Variants in NOL7 observed in about 807,000 individuals in gnomAD.
NOL7 encodes the protein U3 small nucleolar RNA-associated protein NOL7.
Under a neutral mutation model 38.4 loss-of-function variants are expected in NOL7, and 36 were observed. The observed-to-expected ratio is 0.94, with a 90% CI of 0.72 to 1.24. The LOEUF is 1.24. NOL7 is among the 50% of genes most tolerant of loss of function. NOL7 has a pLI of 0.00. For synonymous variants in NOL7, 142 were observed against 126.5 expected (o/e 1.12, Z -0.82); for missense variants, 350 against 315.1 (o/e 1.11, Z -0.84).
chr6:13,616,541 ATAT>A lies in NOL7; in HGVS notation c.386+23_386+25del. On this transcript the variant is annotated intron_variant, in intron 3 of 7. Coordinates refer to ENST00000451315, the MANE Select transcript of NOL7 (RefSeq NM_016167.5). ...GACTAAGTAAGTAATGGATCTTTTT[ATAT>A]TACTTGCTTATATACACCCATCTTT... is the stretch of plus-strand genomic sequence containing the variant. The A allele has an allele frequency of 6.5e-7, 1 of 1,542,982 alleles. No individual in the cohort carries two copies. The highest frequency in any genetic ancestry group is 8.9e-7 in the Non-Finnish European group (1 of 1,121,246).
At chr6:13,624,069 A>G (rs1357779034), downstream of NOL7, among the ~76,000 whole-genome samples, 1 of 152,222 alleles carries the variant, frequency 6.6e-6, no homozygotes, top group East Asian at 1.9e-4. Context: ...ACTTTTACCA[A>G]CGGAGCTAAA....
Position 13,620,798 on chromosome 6 carries a change from A to C in NOL7, c.745A>C (p.Met249Leu), listed in dbSNP as rs375127918. Residue 249 changes from methionine to leucine, a missense_variant, in exon 8 of 8, where the codon ATG becomes CTG. By Grantham distance (15) the Met-to-Leu change is conservative. Transcript: ENST00000451315. ...QNAKRFKRRW[M>L]VRKMKTKK ...TGCCAAGAGGTTTAAAAGACGGTGG[A>C]TGGTCAGAAAGATGAAAACTAAGAA... 2 of 1,603,920 alleles carry C rather than the reference A, an allele frequency of 1.2e-6. No homozygotes were observed. Among genetic ancestry groups the C allele is most frequent in the African/African-American group, 2.7e-5 (2 of 74,424 alleles).
chr6:13,615,402 C>T lies in NOL7; in HGVS notation c.44C>T (p.Ala15Val), dbSNP rs1481739173. Residue 15 changes from alanine to valine, a missense_variant, in exon 1 of 8, where the codon GCG (alanine) becomes GTG (valine). Coordinates refer to ENST00000451315, the MANE Select transcript of NOL7 (RefSeq NM_016167.5). The stretch of plus-strand genomic sequence containing the variant: ...CGAGCGTCTCGCGCCCCGGCGTCGG[C>T]GGAGGCGATGGTGGACGAGGGCCAG... ...RPRASRAPAS[A>V]EAMVDEGQLA... The T allele has an allele frequency of 6.5e-7, 1 of 1,536,508 alleles. No individual in the cohort carries two copies. Among genetic ancestry groups the T allele is most frequent in the Non-Finnish European group, 8.8e-7 (1 of 1,142,082 alleles).
At chr6:13,627,860 G>C (rs918028547) in intron 8 of NOL7, among the ~76,000 whole-genome samples, 1 of 151,604 alleles carries the variant, frequency 6.6e-6, no homozygotes, top group Non-Finnish European at 1.5e-5. Flanking sequence ...GTGAAATGTC[G>C]CACTCCCAAA....
intron 8 of NOL7, among the ~76,000 whole-genome samples, chr6:13,627,518 T>C (rs773597823): frequency 1.3e-5 from 2 of 149,832 alleles, no homozygotes; most frequent in Admixed American, 6.7e-5. Flanking sequence ...TAATCTCAGC[T>C]ACTCGGGAGG....
At chr6:13,625,693 C>G, downstream of NOL7, 1 of 1,613,236 alleles carries the variant, frequency 6.2e-7, no homozygotes. Context: ...CAGGTTCTCT[C>G]TGAATCGGGT....
intron 5 of NOL7, among the ~76,000 whole-genome samples, chr6:13,618,902 C>G (rs562249822): frequency 6.6e-6 from 1 of 152,166 alleles, no homozygotes; most frequent in South Asian, 2.1e-4. Context: ...AAAAAAAAAT[C>G]GGTTTTCATA....
chr6:13,622,147 TAGACAACTA>T (rs1764467202), downstream of NOL7: 1 of 366,504 alleles, frequency 2.7e-6, no homozygotes, highest in African/African-American at 2.1e-5. Flanking sequence ...ATTTAACTCT[TAGACAACTA>T]AGAGGTTAAA....
intron 5 of NOL7, among the ~76,000 whole-genome samples, chr6:13,619,190 A>C (rs987913206): frequency 3.9e-5 from 6 of 152,236 alleles, no homozygotes; most frequent in African/African-American, 1.4e-4. Flanking sequence ...TCCAATGGAA[A>C]GGTTGTTCAC....
Position 13,620,853 on chromosome 6 carries a change from CTTTGT to C in NOL7, c.*27_*31del. On this transcript the variant is annotated 3_prime_UTR_variant, in exon 8 of 8. Transcript: ENST00000451315. ...ATCAATGCTAAATGAAGAATCTGTACTTTGTATGTATAGAATTTATCTAATAAATC... is the reference window on the plus strand; with the variant it reads ...ATCAATGCTAAATGAAGAATCTGTACATGTATAGAATTTATCTAATAAATC... 7.5e-7 allele frequency: 1 copy of C among 1,333,430 alleles called. No homozygotes were observed. Among genetic ancestry groups the C allele is most frequent in the Non-Finnish European group, 1.1e-6 (1 of 946,640 alleles). 82.6% of individuals were successfully genotyped at this position (1,333,430 alleles called of 1,614,324 possible). A position where few individuals can be genotyped will look rare whatever the true frequency, so the allele number is the denominator to read the frequency against.
rs1233921512 is a variant in NOL7 at position 13,619,952 on chromosome 6, C to T, written c.501-256C>T. Among the ~76,000 whole-genome samples, 6 of 152,188 alleles carry T rather than the reference C, an allele frequency of 3.9e-5. No individual in the cohort carries two copies. The East Asian group carries it at 5.8e-4, about 15-fold the overall frequency. The stretch of plus-strand genomic sequence containing the variant: ...CTGGTGGATCACAAGGTCAGGAGTT[C>T]GAGACCAGCCTGGCCAACATGGTGA... On this transcript the variant is annotated intron_variant, in intron 5 of 7. Transcript: ENST00000451315.
intron 8 of NOL7, among the ~76,000 whole-genome samples, chr6:13,628,012 C>T (rs1448231817): frequency 1.3e-5 from 2 of 152,146 alleles, no homozygotes; most frequent in African/African-American, 4.8e-5. Context: ...TTTAAAAACT[C>T]AGAGAAAAAG....
chr6:13,621,768 A>G (rs1350584346), downstream of NOL7: 1 of 152,676 alleles, frequency 6.5e-6, no homozygotes, highest in Non-Finnish European at 1.5e-5. Context: ...ACCATGTTAA[A>G]ACAAAACTAC....
In NOL7 at chr6:13,620,498, T is replaced by C. The variant is rs370963661; in HGVS notation, c.700+13T>C. 4 of 1,605,886 alleles carry C rather than the reference T, an allele frequency of 2.5e-6. No individual in the cohort carries two copies. In the African/African-American group the frequency reaches 5.3e-5, roughly 21 times the overall value. On this transcript the variant is annotated intron_variant, in intron 7 of 7. Transcript: ENST00000451315. ...AATAATGCTTGGGGTAAGATCCAGC[T>C]TTATTCTCCTGTCTCTAATAGCTTT...
intron 5 of NOL7, among the ~76,000 whole-genome samples, chr6:13,619,750 TA>T (rs1270045520): frequency 2.0e-5 from 3 of 152,224 alleles, no homozygotes; most frequent in African/African-American, 4.8e-5. Flanking sequence ...TGTGCTCTAC[TA>T]AAATATGAGT....
chr6:13,615,677 C>G (rs529210944), intron 1 of NOL7, 35 bp from the exon 2 acceptor site: 19 of 1,614,032 alleles, frequency 1.2e-5, no homozygotes, highest in African/African-American at 4.0e-5. Flanking sequence ...TCCCGCTTGT[C>G]CTTCCCTTTG....
chr6:13,616,819 A>G (rs1764304827), intron 3 of NOL7, among the ~76,000 whole-genome samples: 1 of 152,198 alleles, frequency 6.6e-6, no homozygotes, highest in Admixed American at 6.5e-5. Context: ...GTGAATAAAA[A>G]GTGTTTTGAA....
downstream of NOL7, chr6:13,625,718 A>C (rs1364005345): frequency 6.2e-7 from 1 of 1,613,240 alleles, no homozygotes; most frequent in Non-Finnish European, 8.5e-7. Flanking sequence ...CTGATTTCCA[A>C]CTGGGCTGTT....
At chr6:13,619,532 G>A (rs202055065) in intron 5 of NOL7, among the ~76,000 whole-genome samples, 2 of 152,186 alleles carry the variant, frequency 1.3e-5, no homozygotes, top group East Asian at 3.8e-4. Flanking sequence ...CAGTATGTTG[G>A]ACTTTTCATT....
Sources: allele counts gnomAD v4.1 joint callset (sites outside exome capture counted in the v4.1 genomes callset), GRCh38; gene constraint gnomAD v4.1.1; transcripts MANE v1.5; gene names NCBI Gene and HGNC (gene_info 2026-07-23, HGNC 2026-07-21).